MTA3: variants seen among roughly 807,000 people sequenced by gnomAD.
The protein encoded by MTA3 is metastasis associated 1 family member 3.
A neutral mutation model predicts 83.5 loss-of-function variants in MTA3; 34 were observed. The ratio of observed to expected loss-of-function variants is 0.41; its 90% confidence interval spans 0.31 to 0.54. MTA3 has a LOEUF of 0.54. Among genes scored for constraint, MTA3 ranks in the 20% least tolerant of loss-of-function variants. MTA3 has a pLI of 0.33. For missense variants in MTA3, 761 were observed against 726.4 expected (o/e 1.05, Z -0.55); for synonymous variants, 303 against 252.7 (o/e 1.20, Z -1.89).
chr2:42,721,950 A>G (rs933972055), intron 15 of MTA3, among the ~76,000 whole-genome samples: 2 of 152,176 alleles, frequency 1.3e-5, no homozygotes, highest in African/African-American at 4.8e-5. Flanking sequence ...AAATTTTGGC[A>G]AGTGTGGGAC....
chr2:42,609,106 C>G (rs1683865397), intron 3 of MTA3, among the ~76,000 whole-genome samples: 1 of 148,342 alleles, frequency 6.7e-6, no homozygotes, highest in African/African-American at 2.5e-5. Context: ...TCTTGGCTGA[C>G]TGCAAACTCC....
chr2:42,720,357 A>G (rs1029603757), intron 15 of MTA3, among the ~76,000 whole-genome samples: 1 of 151,774 alleles, frequency 6.6e-6, no homozygotes, highest in Non-Finnish European at 1.5e-5. Flanking sequence ...TAATTTTTGT[A>G]TTTTTAGTAG....
intron 2 of MTA3, among the ~76,000 whole-genome samples, chr2:42,503,551 T>A (rs1674493834): frequency 6.6e-6 from 1 of 152,194 alleles, no homozygotes; most frequent in Non-Finnish European, 1.5e-5. Flanking sequence ...ACCTCTGAAA[T>A]TTTAAACTAC....
chr2:42,640,726 C>T (rs1160518456), intron 5 of MTA3, among the ~76,000 whole-genome samples: 5 of 152,134 alleles, frequency 3.3e-5, no homozygotes, highest in African/African-American at 1.2e-4. Context: ...TGAGATAGAG[C>T]ATACGCTTCA....
At chr2:42,618,541 ACTT>A (rs1296188038) in intron 4 of MTA3, among the ~76,000 whole-genome samples, 3 of 152,180 alleles carry the variant, frequency 2.0e-5, no homozygotes, top group African/African-American at 7.2e-5. Flanking sequence ...AAAAGACACT[ACTT>A]CTCTCCTTAT....
intron 2 of MTA3, among the ~76,000 whole-genome samples, chr2:42,523,871 C>G (rs907544657): frequency 1.1e-4 from 16 of 151,970 alleles, no homozygotes; most frequent in African/African-American, 3.4e-4. Context: ...GAGCCATGAT[C>G]GCACCATTGC....
chr2:42,499,308 C>T (rs1035527194), intron 2 of MTA3, among the ~76,000 whole-genome samples: 2 of 151,646 alleles, frequency 1.3e-5, no homozygotes, highest in African/African-American at 2.4e-5. Flanking sequence ...GCTGGGATTA[C>T]AGGCATGCAC....
chr2:42,632,500 G>A (rs1686781663), intron 4 of MTA3, among the ~76,000 whole-genome samples: 1 of 152,172 alleles, frequency 6.6e-6, no homozygotes, highest in African/African-American at 2.4e-5. Flanking sequence ...TTGCCATCTT[G>A]TCCAGGAGAG....
At chr2:42,510,764 G>A (rs1432358881) in intron 2 of MTA3, among the ~76,000 whole-genome samples, 1 of 152,160 alleles carries the variant, frequency 6.6e-6, no homozygotes, top group Non-Finnish European at 1.5e-5. Context: ...AGCAAGCCTT[G>A]AGCCCAGACA....
chr2:42,703,987 G>T, intron 11 of MTA3: 1 of 499,934 alleles, frequency 2.0e-6, no homozygotes, highest in South Asian at 2.3e-5. Flanking sequence ...TCAGGCATAA[G>T]CAATTCCTTT....
chr2:42,726,093 A>G (rs1207015062), intron 16 of MTA3, among the ~76,000 whole-genome samples: 2 of 152,244 alleles, frequency 1.3e-5, no homozygotes. Context: ...TCATATACTG[A>G]AATAGATACA....
At chr2:42,576,128 A>G (rs1472580447) in intron 2 of MTA3, among the ~76,000 whole-genome samples, 4 of 152,246 alleles carry the variant, frequency 2.6e-5, no homozygotes, top group African/African-American at 9.6e-5. Context: ...GCTCAGAGAT[A>G]GAATGTGAAC....
At chr2:42,551,595 A>T (rs1677112098) in intron 2 of MTA3, among the ~76,000 whole-genome samples, 1 of 152,158 alleles carries the variant, frequency 6.6e-6, no homozygotes, top group Non-Finnish European at 1.5e-5. Context: ...TTTAGTGGGA[A>T]AAACATATTG....
At chr2:42,630,781 G>C (rs946723479) in intron 4 of MTA3, among the ~76,000 whole-genome samples, 3 of 152,058 alleles carry the variant, frequency 2.0e-5, no homozygotes, top group Non-Finnish European at 4.4e-5. Flanking sequence ...ATAGTTGAAA[G>C]TATCTTAATT....
chr2:42,750,922 C>G (rs1018112617), intron 16 of MTA3, among the ~76,000 whole-genome samples: 4 of 152,198 alleles, frequency 2.6e-5, no homozygotes, highest in Admixed American at 6.5e-5. Context: ...TTGCTTCAGT[C>G]CCCTCCCCTA....
At chr2:42,680,956 T>G (rs1202156654) in intron 8 of MTA3, among the ~76,000 whole-genome samples, 1 of 152,164 alleles carries the variant, frequency 6.6e-6, no homozygotes, top group African/African-American at 2.4e-5. Flanking sequence ...TGGCCCAGGC[T>G]GGTCTCGAAG....
intron 7 of MTA3, 92 bp from the exon 8 acceptor site, chr2:42,659,671 T>A: frequency 4.3e-6 from 4 of 928,794 alleles, no homozygotes; most frequent in Non-Finnish European, 5.8e-6. Context: ...TACAGTTTTT[T>A]ATTTACTATC....
chr2:42,504,432 CG>C (rs1674538990), intron 2 of MTA3, among the ~76,000 whole-genome samples: 1 of 151,650 alleles, frequency 6.6e-6, no homozygotes. Flanking sequence ...GTAGAGATGG[CG>C]TTTCGCCATG....
chr2:42,502,184 C>G (rs72986090), intron 2 of MTA3, among the ~76,000 whole-genome samples: 68 of 152,094 alleles, frequency 4.5e-4, no homozygotes, highest in African/African-American at 1.6e-3. Context: ...TAAATGGATT[C>G]AAAGATTTCC....
Sources: gnomAD v4.1 joint callset for allele counts (sites outside exome capture counted in the v4.1 genomes callset) on GRCh38, gnomAD v4.1.1 for gene constraint, MANE v1.5 for transcripts, NCBI Gene and HGNC (gene_info 2026-07-23, HGNC 2026-07-21) for gene names.